WWP2: variants seen among roughly 807,000 people sequenced by gnomAD.
The protein encoded by WWP2 is WW domain containing E3 ubiquitin protein ligase 2, also known as NEDD4-like E3 ubiquitin-protein ligase WWP2.
Under a neutral mutation model 121.0 loss-of-function variants are expected in WWP2, and 57 were observed. The ratio of observed to expected loss-of-function variants is 0.47; its 90% CI spans 0.38 to 0.59. The LOEUF (loss-of-function observed/expected upper bound fraction) is 0.59, where lower values mean the gene tolerates loss of function less well. Among genes scored for constraint, WWP2 ranks in the 20% least tolerant of loss-of-function variants. The probability of loss-of-function intolerance (pLI) is 0.00; values close to 1 mark genes in which losing one functional copy is unlikely to be tolerated. For synonymous variants in WWP2, 449 were observed against 441.3 expected, an observed-to-expected ratio of 1.02 and a Z score of -0.22; for missense variants, 962 against 1,158.9, an observed-to-expected ratio of 0.83 and a Z score of 2.47.
chr16:69,880,849 C>T (rs1380497340), intron 7 of WWP2, among the ~76,000 whole-genome samples: 1 of 152,172 alleles, frequency 6.6e-6, no homozygotes, highest in Admixed American at 6.5e-5. Context: ...TTTCTACGTG[C>T]CTGAGTGCAG....
intron 6 of WWP2, among the ~76,000 whole-genome samples, chr16:69,855,195 A>G (rs765045319): frequency 1.3e-5 from 2 of 152,238 alleles, no homozygotes; most frequent in Non-Finnish European, 2.9e-5. Flanking sequence ...ACTAAAATCT[A>G]GAATTTATAT....
chr16:69,937,021 C>A lies in WWP2; in HGVS notation c.2118-97C>A. The A allele has an allele frequency of 6.7e-7, 1 of 1,487,886 alleles. No homozygotes were observed. Among genetic ancestry groups the A allele is most frequent in the Non-Finnish European group, 9.0e-7 (1 of 1,111,462 alleles). The allele number at this position is 1,487,886 out of a possible 1,614,324, so 92.2% of individuals were successfully genotyped here. A position where few individuals can be genotyped will look rare whatever the true frequency, so the allele number is the denominator to read the frequency against. ...GGTGTGCGAAGTGGGCTCTGCTGAT[C>A]TGGTGGTCCTGCGCGGTAACGGCCA... On this transcript the variant is annotated intron_variant, in intron 19 of 23. Transcript: ENST00000359154. This position sits in a 1 kb window ranked among gnomAD's most constrained non-coding sequence, Gnocchi z 6.6.
intron 8 of WWP2, among the ~76,000 whole-genome samples, chr16:69,906,724 A>G (rs1259044883): frequency 1.3e-5 from 2 of 152,146 alleles, no homozygotes; most frequent in Non-Finnish European, 2.9e-5. Context: ...TCTACGAAAT[A>G]AAAAGATTAG....
At chr16:69,770,498 C>T (rs1027894338) in intron 1 of WWP2, among the ~76,000 whole-genome samples, 1 of 152,152 alleles carries the variant, frequency 6.6e-6, no homozygotes, top group African/African-American at 2.4e-5. Context: ...CATGCCTCGC[C>T]CTACGTCTCT....
At chr16:69,861,476 T>C (rs1334554786) in intron 6 of WWP2, among the ~76,000 whole-genome samples, 1 of 152,180 alleles carries the variant, frequency 6.6e-6, no homozygotes, top group African/African-American at 2.4e-5. Context: ...TAATTTAGAA[T>C]GGACTTGGCA....
At chr16:69,782,956 C>G (rs1051028911) in intron 1 of WWP2, 1 of 151,952 alleles carries the variant, frequency 6.6e-6, no homozygotes, top group African/African-American at 2.4e-5. Flanking sequence ...CAGATGTGAG[C>G]CACTGTGCCT....
At chr16:69,866,859 A>T (rs545672998) in intron 6 of WWP2, among the ~76,000 whole-genome samples, 1 of 149,888 alleles carries the variant, frequency 6.7e-6, no homozygotes, top group Non-Finnish European at 1.5e-5. Context: ...TATTTTTGAG[A>T]CGGAGTCTCG....
At chr16:69,931,424 G>A (rs2058709973) in intron 14 of WWP2, 85 bp from the exon 15 acceptor site, 1 of 1,574,486 alleles carries the variant, frequency 6.4e-7, no homozygotes, top group Non-Finnish European at 8.7e-7. Flanking sequence ...GGCCCAGCAG[G>A]CTGGGGAATG....
intron 5 of WWP2, 149 bp downstream of exon 5, chr16:69,840,412 T>G (rs1309850385): frequency 1.0e-6 from 1 of 959,366 alleles, no homozygotes; most frequent in East Asian, 2.6e-5. Flanking sequence ...TCTTCTTAGC[T>G]CCGTGGATCA....
intron 6 of WWP2, among the ~76,000 whole-genome samples, chr16:69,869,215 C>T (rs1482336560): frequency 6.6e-6 from 1 of 152,002 alleles, no homozygotes; most frequent in Non-Finnish European, 1.5e-5. Flanking sequence ...GAAATTAGCT[C>T]AGGGAAAAAG....
Position 69,817,379 on chromosome 16 carries a change from G to A in WWP2, c.340+18084G>A, listed in dbSNP as rs369759234. On this transcript the variant is annotated intron_variant, in intron 4 of 23. Transcript: ENST00000359154. ...TTCTCCCATCTTAGCCTCCCGAATAGTTGGGATTACAGATGTGCACCACCA... is the reference window on the plus strand; with the variant it reads ...TTCTCCCATCTTAGCCTCCCGAATAATTGGGATTACAGATGTGCACCACCA... Among the ~76,000 whole-genome samples the A allele has an allele frequency of 2.6e-5, 4 of 152,088 alleles. No individual in the cohort carries two copies. The South Asian group carries it at 8.3e-4, about 32-fold the overall frequency.
intron 21 of WWP2, among the ~76,000 whole-genome samples, chr16:69,938,096 A>T (rs1173140533): frequency 6.6e-6 from 1 of 152,252 alleles, no homozygotes; most frequent in African/African-American, 2.4e-5. Flanking sequence ...GATTACAGGT[A>T]TTCTTAGTAC....
chr16:69,849,467 AT>A (rs2057158538), intron 6 of WWP2, among the ~76,000 whole-genome samples: 1 of 136,660 alleles, frequency 7.3e-6, no homozygotes, highest in Non-Finnish European at 1.5e-5. Context: ...AATAAGTGTT[AT>A]TTATTTATTT....
chr16:69,799,319 G>C lies in WWP2; in HGVS notation c.340+24G>C, dbSNP rs778712560. Reference sequence around the variant, plus strand: ...AAGTACGTATGATGAAGGGGGTGCCGACGTGATTCTTGGGTGGGGATGGGA... The same window carrying C: ...AAGTACGTATGATGAAGGGGGTGCCCACGTGATTCTTGGGTGGGGATGGGA... On this transcript the variant is annotated intron_variant, in intron 4 of 23. Coordinates refer to ENST00000359154, the MANE Select transcript of WWP2 (RefSeq NM_001270454.2). This position sits in a 1 kb window ranked among gnomAD's most constrained non-coding sequence, Gnocchi z 4.5. The C allele has an allele frequency of 6.2e-7, 1 of 1,606,606 alleles. No individual in the cohort carries two copies. The highest frequency in any genetic ancestry group is 1.3e-5 in the African/African-American group (1 of 74,624).
intron 8 of WWP2, among the ~76,000 whole-genome samples, chr16:69,905,804 C>G (rs1014260999): frequency 1.3e-5 from 2 of 152,164 alleles, no homozygotes; most frequent in African/African-American, 4.8e-5. Context: ...CCTTTTCTGC[C>G]CATTCTTCCT....
At chr16:69,828,747 C>G (rs1275436924) in intron 4 of WWP2, among the ~76,000 whole-genome samples, 1 of 152,160 alleles carries the variant, frequency 6.6e-6, no homozygotes. Flanking sequence ...GTGATCCACC[C>G]GTCTTGGCAA....
intron 9 of WWP2, among the ~76,000 whole-genome samples, chr16:69,912,213 C>G (rs761330365): frequency 2.6e-5 from 4 of 151,846 alleles, no homozygotes; most frequent in Non-Finnish European, 5.9e-5. Context: ...TGTTTGAACC[C>G]CAGCGGCGGA....
intron 4 of WWP2, among the ~76,000 whole-genome samples, chr16:69,832,066 C>T (rs1371282062): frequency 6.6e-6 from 1 of 152,028 alleles, no homozygotes; most frequent in South Asian, 2.1e-4. Flanking sequence ...TGAGCTCAAG[C>T]GAACCATCTG....
At chr16:69,866,635 A>G (rs1251570472) in intron 6 of WWP2, among the ~76,000 whole-genome samples, 1 of 152,074 alleles carries the variant, frequency 6.6e-6, no homozygotes, top group African/African-American at 2.4e-5. Flanking sequence ...AGCCTGTGTC[A>G]AAATTTCCTT....
Sources: gnomAD v4.1 joint callset for allele counts (sites outside exome capture counted in the v4.1 genomes callset) on GRCh38, gnomAD v4.1.1 for gene constraint, Gnocchi (gnomAD v3.1) non-coding constraint, MANE v1.5 for transcripts, NCBI Gene and HGNC (gene_info 2026-07-23, HGNC 2026-07-21) for gene names.